DENND1A: variants seen among roughly 807,000 people sequenced by gnomAD.
The protein encoded by DENND1A is DENN domain-containing protein 1A.
Under a neutral mutation model 113.7 loss-of-function variants are expected in DENND1A, and 51 were observed. The ratio of observed to expected loss-of-function variants is 0.45; its 90% CI spans 0.36 to 0.57. The LOEUF is 0.57. Among genes scored for constraint, DENND1A ranks in the 20% least tolerant of loss-of-function variants. The pLI, the probability that DENND1A is intolerant of heterozygous loss-of-function variation, is 0.00. For synonymous variants in DENND1A, 565 were observed against 570.8 expected (o/e 0.99, Z 0.14); for missense variants, 1,258 against 1,395.9 (o/e 0.90, Z 1.57).
At chr9:123,637,371 G>A (rs1026459847) in intron 9 of DENND1A, among the ~76,000 whole-genome samples, 84 of 152,308 alleles carry the variant, frequency 5.5e-4, no homozygotes, top group Middle Eastern at 3.4e-3. Context: ...CTCAGTTTGA[G>A]AACTTGATTC....
chr9:123,684,865 G>A (rs2064710111), intron 5 of DENND1A, among the ~76,000 whole-genome samples: 1 of 152,220 alleles, frequency 6.6e-6, no homozygotes, highest in African/African-American at 2.4e-5. Context: ...ACAGTCTAAA[G>A]AGGAAAGCAG....
At chr9:123,763,043 CAG>C (rs1406059520) in intron 4 of DENND1A, among the ~76,000 whole-genome samples, 2 of 151,382 alleles carry the variant, frequency 1.3e-5, no homozygotes, top group Non-Finnish European at 1.5e-5. Context: ...CCAGATCACA[CAG>C]AGAGTCCCAC....
chr9:123,523,144 G>T (rs2054529998), intron 13 of DENND1A, among the ~76,000 whole-genome samples: 1 of 152,176 alleles, frequency 6.6e-6, no homozygotes, highest in African/African-American at 2.4e-5. Context: ...AGGAGGGAGG[G>T]TTAAATGTTT....
rs540316140 is a variant in DENND1A, at chr9:123,553,405, C to G, written c.993+4165G>C. Among the ~76,000 whole-genome samples the G allele has an allele frequency of 1.3e-3, 193 of 151,600 alleles. 1 individual carries two copies. Among genetic ancestry groups the G allele is most frequent in the African/African-American group, 3.6e-3 (148 of 41,372 alleles). ...CATTTGCCTTTTTAAAAGCCGCCCC[C>G]CCCCCGCTCCTCATCCCTCCGTGAT... On this transcript the variant is annotated intron_variant, in intron 13 of 23. Coordinates refer to ENST00000394215, the MANE Select transcript of DENND1A (RefSeq NM_001352964.2).
chr9:123,821,784 A>AGGACAAGCACACAAATACCATCCCTGT (rs1838515521), intron 2 of DENND1A, among the ~76,000 whole-genome samples: 1 of 152,250 alleles, frequency 6.6e-6, no homozygotes, highest in Non-Finnish European at 1.5e-5. Context: ...CAATATGCAG[A>AGGACAAGCACACAAATACCATCCCTGT]GGACAAGCAC....
At chr9:123,521,573 C>A (rs2135030473) in intron 13 of DENND1A, among the ~76,000 whole-genome samples, 1 of 152,322 alleles carries the variant, frequency 6.6e-6, no homozygotes, top group South Asian at 2.1e-4. Context: ...CCTTAAGTTT[C>A]ATGATTCCTT....
At chr9:123,418,027 T>C (rs1313826361) in intron 19 of DENND1A, among the ~76,000 whole-genome samples, 2 of 152,158 alleles carry the variant, frequency 1.3e-5, no homozygotes, top group Non-Finnish European at 2.9e-5. Flanking sequence ...GGGCCTTGAA[T>C]GTCAGGCTGA....
chr9:123,875,568 T>C (rs1299905147), intron 2 of DENND1A, among the ~76,000 whole-genome samples: 2 of 152,114 alleles, frequency 1.3e-5, no homozygotes, highest in African/African-American at 4.8e-5. Flanking sequence ...CACAGCCCCC[T>C]CTCCATCCTG....
At chr9:123,794,455 C>T (rs960979591) in intron 2 of DENND1A, among the ~76,000 whole-genome samples, 3 of 152,162 alleles carry the variant, frequency 2.0e-5, no homozygotes, top group Admixed American at 1.3e-4. Flanking sequence ...TCTTTTTCTT[C>T]CAATTGACAT....
At chr9:123,606,057 G>C (rs2060141394) in intron 11 of DENND1A, among the ~76,000 whole-genome samples, 1 of 152,156 alleles carries the variant, frequency 6.6e-6, no homozygotes, top group South Asian at 2.1e-4. Flanking sequence ...TTTGGCCCCA[G>C]GTCTGAGCTA....
At position 123,383,677 on chromosome 9, in the gene DENND1A, T is replaced by C. The variant is rs150045647; in HGVS notation, c.1997A>G (p.Gln666Arg). The stretch of plus-strand genomic sequence containing the variant: ...TACCTGATAGTCAAAGGTCCCTGGC[T>C]GCTCCCTCAGGTCTTTGGGGGCACG... ...DLRAPKDLREQPGTFDYQRLD... is the reference protein window; with the variant it reads ...DLRAPKDLRERPGTFDYQRLD... The change falls in exon 23 of 24, where the codon CAG (glutamine) becomes CGG (arginine). Residue 666 changes from glutamine (Q) to arginine (R), a missense_variant. Physicochemically the swap from Gln to Arg is conservative, Grantham distance 43. This residue lies in a region of DENND1A where 1,159 missense variants were observed against 1,231.7 expected (regional missense o/e 0.94). Coordinates refer to ENST00000394215, the MANE Select transcript of DENND1A (RefSeq NM_001352964.2). 3.1e-6 allele frequency: 5 copies of C among 1,613,858 alleles called. No homozygotes were observed. In the African/African-American group the frequency reaches 6.7e-5, roughly 22 times the overall value.
intron 2 of DENND1A, among the ~76,000 whole-genome samples, chr9:123,860,005 G>T (rs1051119188): frequency 6.6e-6 from 1 of 152,124 alleles, no homozygotes; most frequent in Admixed American, 6.6e-5. Flanking sequence ...TTAAAAGATT[G>T]CTGAGATGAC....
chr9:123,801,267 T>G (rs1834619431), intron 2 of DENND1A, among the ~76,000 whole-genome samples: 1 of 152,206 alleles, frequency 6.6e-6, no homozygotes, highest in Non-Finnish European at 1.5e-5. Context: ...CTCCAGAAAT[T>G]TCTCATCTTC....
At chr9:123,407,297 T>C (rs549354481) in intron 20 of DENND1A, among the ~76,000 whole-genome samples, 4 of 151,916 alleles carry the variant, frequency 2.6e-5, no homozygotes, top group African/African-American at 9.7e-5. Context: ...CTGACTAGTG[T>C]GGACAAAGCC....
chr9:123,586,636 G>C (rs2059177812), intron 11 of DENND1A, among the ~76,000 whole-genome samples: 1 of 152,178 alleles, frequency 6.6e-6, no homozygotes. Flanking sequence ...GGACTCAAGG[G>C]CCTTCCTGAA....
chr9:123,829,065 T>C (rs950248051), intron 2 of DENND1A, among the ~76,000 whole-genome samples: 35 of 152,294 alleles, frequency 2.3e-4, no homozygotes, highest in African/African-American at 5.8e-4. Flanking sequence ...AGGAAAACTT[T>C]ACAAGAGATA....
intron 11 of DENND1A, among the ~76,000 whole-genome samples, chr9:123,597,483 A>G (rs2059747854): frequency 6.6e-6 from 1 of 152,190 alleles, no homozygotes; most frequent in South Asian, 2.1e-4. Context: ...AACAACTTTA[A>G]GATCTAGGAA....
chr9:123,898,539 G>A (rs1003018603), intron 1 of DENND1A, among the ~76,000 whole-genome samples: 3 of 151,964 alleles, frequency 2.0e-5, no homozygotes, highest in Admixed American at 2.0e-4. Flanking sequence ...ATTAGCCCAG[G>A]CTAGTCTCAA....
At chr9:123,416,244 C>T (rs1010001138) in intron 19 of DENND1A, among the ~76,000 whole-genome samples, 3 of 152,186 alleles carry the variant, frequency 2.0e-5, no homozygotes, top group Non-Finnish European at 4.4e-5. Context: ...CCTGAGCCTG[C>T]TCCTCTTTCA....
Sources: allele counts gnomAD v4.1 joint callset (sites outside exome capture counted in the v4.1 genomes callset), GRCh38; gene constraint gnomAD v4.1.1; regional missense constraint gnomAD v4.1.1; transcripts MANE v1.5; gene names NCBI Gene and HGNC (gene_info 2026-07-23, HGNC 2026-07-21).